COMMD1: variants seen among roughly 807,000 people sequenced by gnomAD.
The protein encoded by COMMD1 is copper metabolism domain containing 1, also known as COMM domain-containing protein 1.
A neutral mutation model predicts 17.2 loss-of-function variants in COMMD1; 10 were observed. That is an observed-to-expected ratio of 0.58 (90% CI 0.36 to 0.99). The LOEUF (loss-of-function observed/expected upper bound fraction) is 0.99. Ranked by LOEUF, COMMD1 falls within the 50% of genes least tolerant of loss-of-function variation. COMMD1 has a pLI of 0.01. For missense variants in COMMD1, 270 were observed against 231.8 expected (o/e 1.17, Z -1.07); for synonymous variants, 97 against 91.6 (o/e 1.06, Z -0.34).
At chr2:61,906,664 T>C (rs1420764966) in intron 1 of COMMD1, among the ~76,000 whole-genome samples, 1 of 152,006 alleles carries the variant, frequency 6.6e-6, no homozygotes, top group Non-Finnish European at 1.5e-5. Context: ...AGACAAACTG[T>C]AAAAAAATTA....
rs558572587 is a variant in COMMD1, at chr2:62,127,772, C to T, written c.463-8059C>T. Among the ~76,000 whole-genome samples the T allele has an allele frequency of 3.3e-5, 5 of 152,254 alleles. No individual in the cohort carries two copies. In the East Asian group the frequency reaches 9.6e-4, roughly 29 times the overall value. ...GGCGTAGTGGCTCATGTCTGTAATCCCAACACTTTGGGAGGCTGAGGCAGA... is the reference window on the plus strand; with the variant it reads ...GGCGTAGTGGCTCATGTCTGTAATCTCAACACTTTGGGAGGCTGAGGCAGA... On this transcript the variant is annotated intron_variant, in intron 2 of 2. Coordinates refer to ENST00000311832, the MANE Select transcript of COMMD1 (RefSeq NM_152516.4).
At chr2:61,941,649 GGTT>G (rs1670750795) in intron 1 of COMMD1, among the ~76,000 whole-genome samples, 1 of 152,180 alleles carries the variant, frequency 6.6e-6, no homozygotes, top group African/African-American at 2.4e-5. Context: ...CCACTAGGCT[GGTT>G]GTTGTCTCAG....
intron 1 of COMMD1, among the ~76,000 whole-genome samples, chr2:61,974,789 T>TC (rs1671748380): frequency 6.6e-6 from 1 of 152,002 alleles, no homozygotes; most frequent in Non-Finnish European, 1.5e-5. Flanking sequence ...CTCACCTTCC[T>TC]CCCCCTTGCA....
At chr2:62,019,129 C>G (rs1573077679) in intron 2 of COMMD1, among the ~76,000 whole-genome samples, 1 of 137,642 alleles carries the variant, frequency 7.3e-6, no homozygotes, top group Admixed American at 7.4e-5. Flanking sequence ...CCCTCCCTCC[C>G]TCCCTTCCTT....
intron 2 of COMMD1, among the ~76,000 whole-genome samples, chr2:62,012,587 G>A (rs1669314499): frequency 6.6e-6 from 1 of 151,786 alleles, no homozygotes; most frequent in Admixed American, 6.6e-5. Context: ...CAAAGTGCTG[G>A]GATTACAGGA....
chr2:62,024,017 C>A (rs1034381294), intron 2 of COMMD1, among the ~76,000 whole-genome samples: 10 of 152,076 alleles, frequency 6.6e-5, no homozygotes, highest in African/African-American at 2.4e-4. Flanking sequence ...ATAGTATAAT[C>A]TAAATTTTAA....
chr2:62,015,590 A>C (rs945539595), intron 2 of COMMD1, among the ~76,000 whole-genome samples: 1 of 152,076 alleles, frequency 6.6e-6, no homozygotes, highest in African/African-American at 2.4e-5. Flanking sequence ...CTTTTTAAGG[A>C]ACTGACAAAC....
intron 1 of COMMD1, among the ~76,000 whole-genome samples, chr2:61,898,133 A>G (rs190392920): frequency 8.5e-5 from 13 of 152,276 alleles, no homozygotes; most frequent in Admixed American, 2.0e-4. Flanking sequence ...ACAGTCATTC[A>G]TTTCTGTATC....
At chr2:62,133,470 A>G (rs928034799) in intron 2 of COMMD1, among the ~76,000 whole-genome samples, 2 of 152,276 alleles carry the variant, frequency 1.3e-5, no homozygotes, top group African/African-American at 4.8e-5. Flanking sequence ...TAAACTGACA[A>G]AAGATTCACA....
chr2:62,008,361 GACACAC>G (rs151332274), intron 2 of COMMD1, among the ~76,000 whole-genome samples: 26 of 146,642 alleles, frequency 1.8e-4, no homozygotes, highest in African/African-American at 3.0e-4. Context: ...CACACAGACA[GACACAC>G]ACACACACAC....
intron 1 of COMMD1, among the ~76,000 whole-genome samples, chr2:61,910,975 C>T (rs568875023): frequency 2.6e-5 from 4 of 151,472 alleles, no homozygotes; most frequent in East Asian, 3.9e-4. Flanking sequence ...CCCAGCTACT[C>T]GAGAGGCTGG....
intron 2 of COMMD1, among the ~76,000 whole-genome samples, chr2:62,041,671 T>G (rs2103896460): frequency 6.6e-6 from 1 of 152,284 alleles, no homozygotes. Flanking sequence ...GTGTCCGGAA[T>G]TGGTGGGTTC....
At chr2:62,058,298 C>T (rs1670766685) in intron 2 of COMMD1, among the ~76,000 whole-genome samples, 4 of 152,100 alleles carry the variant, frequency 2.6e-5, no homozygotes, top group African/African-American at 9.7e-5. Context: ...TTTATTATTT[C>T]AGTTACTGTG....
At chr2:62,000,157 C>T (rs895334370) in intron 1 of COMMD1, among the ~76,000 whole-genome samples, 6 of 152,044 alleles carry the variant, frequency 3.9e-5, no homozygotes, top group African/African-American at 7.2e-5. Flanking sequence ...TTTCTGACCT[C>T]AAGCAATCTG....
Position 62,124,028 on chromosome 2 carries a change from G to C in COMMD1, c.463-11803G>C, listed in dbSNP as rs191873972. On this transcript the variant is annotated intron_variant, in intron 2 of 2. Transcript: ENST00000311832. Reference sequence around the variant, plus strand: ...GTTAAAGTTCCTCCCAGCCAGGCACGGTGGCTCACACCTGTAATCCCAGCA... The same window carrying C: ...GTTAAAGTTCCTCCCAGCCAGGCACCGTGGCTCACACCTGTAATCCCAGCA... Among the ~76,000 whole-genome samples, 318 of 152,234 alleles carry C rather than the reference G, an allele frequency of 2.1e-3. 7 individuals carry two copies. Among genetic ancestry groups the C allele is most frequent in the African/African-American group, 7.3e-3 (302 of 41,538 alleles).
intron 2 of COMMD1, among the ~76,000 whole-genome samples, chr2:62,111,547 C>G (rs886356085): frequency 1.3e-5 from 2 of 152,128 alleles, no homozygotes; most frequent in African/African-American, 4.8e-5. Flanking sequence ...GGGCAGGACC[C>G]TCTGGAATAA....
intron 2 of COMMD1, among the ~76,000 whole-genome samples, chr2:62,002,491 GAAAAAAAAAAAAAA>G (rs11310507): frequency 0.02 from 714 of 35,124 alleles, 12 homozygotes; most frequent in African/African-American, 0.062. Flanking sequence ...GATTCCACCA[GAAAAAAAAAAAAAA>G]AAAAAAAAAA....
intron 1 of COMMD1, among the ~76,000 whole-genome samples, chr2:61,998,355 A>C (rs931587275): frequency 2.7e-5 from 4 of 148,170 alleles, no homozygotes; most frequent in Non-Finnish European, 5.9e-5. Flanking sequence ...TGCCTCCTGG[A>C]TTCATGCATT....
intron 1 of COMMD1, among the ~76,000 whole-genome samples, chr2:61,941,839 T>C (rs1420165228): frequency 6.6e-6 from 1 of 152,226 alleles, no homozygotes; most frequent in Non-Finnish European, 1.5e-5. Flanking sequence ...CTCCAGAATC[T>C]GATGATACCA....
Sources: gnomAD v4.1 joint callset for allele counts (sites outside exome capture counted in the v4.1 genomes callset) on GRCh38, gnomAD v4.1.1 for gene constraint, MANE v1.5 for transcripts, NCBI Gene and HGNC (gene_info 2026-07-23, HGNC 2026-07-21) for gene names.